PTPRT: variants seen among roughly 807,000 people sequenced by gnomAD.
The protein encoded by PTPRT is protein tyrosine phosphatase receptor type T, also known as receptor-type tyrosine-protein phosphatase T.
In PTPRT, 56 loss-of-function variants were observed where a neutral mutation model predicts 176.8. The observed-to-expected ratio is 0.32, with a 90% CI of 0.26 to 0.40. The LOEUF is 0.40. Among genes scored for constraint, PTPRT ranks in the 10% least tolerant of loss-of-function variants. The pLI is 1.00. For missense variants in PTPRT, 1,540 were observed against 1,908.2 expected, an observed-to-expected ratio of 0.81 and a Z score of 3.60; for synonymous variants, 783 against 739.0, an observed-to-expected ratio of 1.06 and a Z score of -0.96.
chr20:42,103,609 G>C (rs1986154165), intron 25 of PTPRT, among the ~76,000 whole-genome samples: 1 of 152,140 alleles, frequency 6.6e-6, no homozygotes, highest in South Asian at 2.1e-4. Context: ...GGGATTACAG[G>C]TGCATGCCAC....
In PTPRT at chr20:42,118,433, G is replaced by A. The variant is rs1434769526; in HGVS notation, c.2952C>T (p.Val984=). 1 of 1,613,120 alleles carries A rather than the reference G, an allele frequency of 6.2e-7. No homozygotes were observed. Residue 984 remains valine, a synonymous_variant, in exon 21 of 31, where the codon GTC becomes GTT. Coordinates refer to ENST00000373187, the MANE Select transcript of PTPRT (RefSeq NM_007050.6). ...CCACTTCCACCAGGTTTGTGACCAT[G>A]ACGATGCTGGCGGAGTTCTCCTGCC... is the stretch of plus-strand genomic sequence containing the variant. ...MIWQENSASI[V]MVTNLVEVGR...
At chr20:42,992,906 T>C (rs546623875) in intron 1 of PTPRT, among the ~76,000 whole-genome samples, 5 of 152,314 alleles carry the variant, frequency 3.3e-5, no homozygotes, top group African/African-American at 1.2e-4. Context: ...CCTCCAAGTA[T>C]GGCCACCTTT....
At chr20:43,098,633 G>A (rs1297735834) in intron 1 of PTPRT, among the ~76,000 whole-genome samples, 3 of 150,526 alleles carry the variant, frequency 2.0e-5, no homozygotes, top group African/African-American at 7.4e-5. Context: ...CTGATGGAAT[G>A]TGTCCTTACC....
At chr20:42,727,773 C>G (rs2076402613) in intron 6 of PTPRT, among the ~76,000 whole-genome samples, 1 of 152,138 alleles carries the variant, frequency 6.6e-6, no homozygotes, top group Non-Finnish European at 1.5e-5. Context: ...CACATTTGAC[C>G]TTGTTACTTT....
At chr20:42,514,481 G>T (rs958254786) in intron 7 of PTPRT, among the ~76,000 whole-genome samples, 2 of 152,038 alleles carry the variant, frequency 1.3e-5, no homozygotes, top group South Asian at 2.1e-4. Flanking sequence ...TGAGATTCAT[G>T]ATTTACTCTA....
chr20:42,218,103 C>G lies in PTPRT; in HGVS notation c.2342+18126G>C, dbSNP rs1382162516. ...TTTAATAGCAAATGATCGGTTAAAG[C>G]CTCGTAAATGTCTAACAATAGGGAA... On this transcript the variant is annotated intron_variant, in intron 15 of 30. Coordinates refer to ENST00000373187, the MANE Select transcript of PTPRT (RefSeq NM_007050.6). 2.0e-5 allele frequency among the ~76,000 whole-genome samples: 3 copies of G among 152,144 alleles called. No individual in the cohort carries two copies. In the South Asian group the frequency reaches 6.2e-4, roughly 32 times the overall value.
intron 1 of PTPRT, among the ~76,000 whole-genome samples, chr20:43,120,231 A>G (rs987988043): frequency 2.0e-5 from 3 of 152,112 alleles, no homozygotes; most frequent in Admixed American, 6.5e-5. Flanking sequence ...ATGATGGCCA[A>G]TTATAATACT....
At chr20:42,149,537 C>T (rs1014828597) in intron 17 of PTPRT, among the ~76,000 whole-genome samples, 4 of 151,922 alleles carry the variant, frequency 2.6e-5, no homozygotes, top group Non-Finnish European at 4.4e-5. Flanking sequence ...GATTCTCCCG[C>T]CTCAGCCTCC....
At chr20:42,113,585 G>T (rs1185840924) in intron 22 of PTPRT, among the ~76,000 whole-genome samples, 2 of 152,218 alleles carry the variant, frequency 1.3e-5, no homozygotes, top group Non-Finnish European at 2.9e-5. Context: ...CGCCTTAAGG[G>T]GGACAACTCA....
intron 2 of PTPRT, among the ~76,000 whole-genome samples, chr20:42,803,616 T>A (rs370356555): frequency 9.8e-5 from 15 of 152,322 alleles, no homozygotes; most frequent in African/African-American, 3.6e-4. Context: ...TACAGTGGCA[T>A]GATCTCGGCT....
chr20:42,420,284 C>T (rs753342451), intron 9 of PTPRT, among the ~76,000 whole-genome samples: 2 of 152,072 alleles, frequency 1.3e-5, no homozygotes, highest in Non-Finnish European at 2.9e-5. Context: ...CTGTCCAATG[C>T]CTATAATCTC....
At chr20:43,043,866 C>T (rs1311141683) in intron 1 of PTPRT, among the ~76,000 whole-genome samples, 2 of 152,132 alleles carry the variant, frequency 1.3e-5, no homozygotes, top group East Asian at 1.9e-4. Flanking sequence ...AGTGCTTTCA[C>T]ATCACAAGGC....
At chr20:42,198,769 A>C (rs1991331571) in intron 16 of PTPRT, among the ~76,000 whole-genome samples, 1 of 152,190 alleles carries the variant, frequency 6.6e-6, no homozygotes, top group African/African-American at 2.4e-5. Context: ...CAGCCATTGT[A>C]TTTTAGATAA....
intron 1 of PTPRT, among the ~76,000 whole-genome samples, chr20:43,112,468 G>T (rs563707498): frequency 1.3e-5 from 2 of 152,066 alleles, no homozygotes; most frequent in African/African-American, 2.4e-5. Context: ...TGCATGTTAC[G>T]TAATATAAAG....
At chr20:42,709,835 G>A (rs866262496) in intron 6 of PTPRT, among the ~76,000 whole-genome samples, 6 of 152,148 alleles carry the variant, frequency 3.9e-5, no homozygotes, top group Non-Finnish European at 8.8e-5. Flanking sequence ...GGACAGTGAA[G>A]GCCAGGCTGA....
rs2011215265 is a variant in PTPRT at position 43,073,765 on chromosome 20, C to T, written c.88+115881G>A. On this transcript the variant is annotated intron_variant, in intron 1 of 30. Coordinates refer to ENST00000373187, the MANE Select transcript of PTPRT (RefSeq NM_007050.6). ...GGTGGGAAGGGAGAGATACATGATCCAAGCAGAGCCAGGGTCTCACTCTGT... is the reference window on the plus strand; with the variant it reads ...GGTGGGAAGGGAGAGATACATGATCTAAGCAGAGCCAGGGTCTCACTCTGT... Among the ~76,000 whole-genome samples the T allele has an allele frequency of 2.0e-5, 3 of 151,910 alleles. No individual in the cohort carries two copies. The South Asian group carries it at 6.3e-4, about 32-fold the overall frequency.
intron 7 of PTPRT, among the ~76,000 whole-genome samples, chr20:42,598,995 T>C (rs1026289905): frequency 1.3e-5 from 2 of 152,186 alleles, no homozygotes; most frequent in African/African-American, 4.8e-5. Flanking sequence ...ACAATCATCT[T>C]ATTTGCAATG....
At chr20:42,703,831 C>T (rs1032150723) in intron 6 of PTPRT, among the ~76,000 whole-genome samples, 3 of 152,176 alleles carry the variant, frequency 2.0e-5, no homozygotes, top group Non-Finnish European at 2.9e-5. Context: ...CGGCTTCCTA[C>T]TGTGCTCTAA....
intron 9 of PTPRT, among the ~76,000 whole-genome samples, chr20:42,430,828 C>T (rs1478617725): frequency 6.6e-6 from 1 of 152,202 alleles, no homozygotes; most frequent in African/African-American, 2.4e-5. Context: ...CTGAGAGTAT[C>T]ATGAAAGCTG....
Sources: gnomAD v4.1 joint callset for allele counts (sites outside exome capture counted in the v4.1 genomes callset) on GRCh38, gnomAD v4.1.1 for gene constraint, MANE v1.5 for transcripts, NCBI Gene and HGNC (gene_info 2026-07-23, HGNC 2026-07-21) for gene names.